The following DPP6 variants were observed in gnomAD, a reference collection of about 807,000 sequenced individuals.
DPP6 encodes dipeptidyl peptidase like 6, also known as A-type potassium channel modulatory protein DPP6.
In DPP6, 69 loss-of-function variants were observed where a neutral mutation model predicts 122.6. That is an observed-to-expected ratio of 0.56 (90% CI 0.46 to 0.69). The LOEUF is 0.69. DPP6 is among the 30% of genes least tolerant of loss of function. The probability of loss-of-function intolerance (pLI) is 0.00; values close to 1 mark genes in which losing one functional copy is unlikely to be tolerated. For missense variants in DPP6, 928 were observed against 1,116.9 expected, an observed-to-expected ratio of 0.83 and a Z score of 2.41; for synonymous variants, 418 against 433.1, an observed-to-expected ratio of 0.97 and a Z score of 0.43.
rs370476067 is a variant in DPP6 at position 154,053,173 on chromosome 7, C to A, written c.243+110C>A. The A allele has an allele frequency of 4.5e-5, 40 of 892,422 alleles. 1 individual carries two copies. The East Asian group carries it at 1.2e-3, about 26-fold the overall frequency. 55.3% of individuals were successfully genotyped at this position (892,422 alleles called of 1,614,324 possible). A position where few individuals can be genotyped will look rare whatever the true frequency, so the allele number is the denominator to read the frequency against. ...TTGGGGGGGGAATCAGGCGCCCTCC[C>A]CCCGCCCACGACTCTCCGGGCGCCC... On this transcript the variant is annotated intron_variant, in intron 1 of 25. Transcript: ENST00000377770.
intron 1 of DPP6, among the ~76,000 whole-genome samples, chr7:154,062,829 C>T (rs1208848165): frequency 8.5e-5 from 11 of 128,684 alleles, no homozygotes; most frequent in Admixed American, 1.6e-4. Context: ...GCACCCCCCG[C>T]GAGGCGGGGA....
At chr7:154,138,043 G>T (rs751814016) in intron 1 of DPP6, among the ~76,000 whole-genome samples, 1 of 152,170 alleles carries the variant, frequency 6.6e-6, no homozygotes, top group African/African-American at 2.4e-5. Flanking sequence ...ATAGACCAGT[G>T]TTCCTAAGAT....
intron 1 of DPP6, among the ~76,000 whole-genome samples, chr7:154,374,875 G>A (rs1812995322): frequency 1.3e-5 from 2 of 152,176 alleles, no homozygotes; most frequent in South Asian, 2.1e-4. Context: ...GCCTCCCAAA[G>A]TGCTGGGATT....
intron 1 of DPP6, among the ~76,000 whole-genome samples, chr7:154,203,097 T>A (rs1175109033): frequency 6.6e-6 from 1 of 152,280 alleles, no homozygotes; most frequent in East Asian, 1.9e-4. Context: ...ATTTTCCCAC[T>A]CACTTGAAAA....
At position 154,481,416 on chromosome 7, in the gene DPP6, C is replaced by T. The variant is rs913957417; in HGVS notation, c.457+6379C>T. 6.7e-6 allele frequency among the ~76,000 whole-genome samples: 1 copy of T among 150,294 alleles called. No homozygotes were observed. Among genetic ancestry groups the T allele is most frequent in the Non-Finnish European group, 1.5e-5 (1 of 67,818 alleles). On this transcript the variant is annotated intron_variant, in intron 3 of 25. Transcript: ENST00000377770. The surrounding 1 kb of genome is among the most constrained non-coding windows in gnomAD (Gnocchi z 4.2). ...GTCAGTCACTGGCTAATTTCCATGT[C>T]CACTGCAGTATCTTACATTCACCTC...
intron 1 of DPP6, among the ~76,000 whole-genome samples, chr7:154,202,639 C>G (rs2150788630): frequency 6.6e-6 from 1 of 152,312 alleles, no homozygotes; most frequent in Admixed American, 6.5e-5. Context: ...GCTATTACAT[C>G]TGCATGTCGG....
chr7:154,061,308 C>T (rs1801832463), intron 1 of DPP6, among the ~76,000 whole-genome samples: 1 of 148,374 alleles, frequency 6.7e-6, no homozygotes, highest in Admixed American at 6.7e-5. Context: ...TCTGGCAGCC[C>T]CAGCCCTGGG....
intron 2 of DPP6, among the ~76,000 whole-genome samples, chr7:154,453,982 A>C (rs1021199854): frequency 7.9e-5 from 12 of 152,248 alleles, no homozygotes; most frequent in African/African-American, 2.4e-4. Context: ...GTATCATAAA[A>C]AGTAATGCAT....
At chr7:153,791,109 G>T in the DPP6 span, among the ~76,000 whole-genome samples, 1 of 152,160 alleles carries the variant, frequency 6.6e-6, no homozygotes, top group Non-Finnish European at 1.5e-5. Context: ...AAAAGGCTCA[G>T]AAATATTTTG....
intron 5 of DPP6, among the ~76,000 whole-genome samples, chr7:154,625,737 C>G (rs959116266): frequency 2.6e-5 from 4 of 152,200 alleles, no homozygotes; most frequent in African/African-American, 9.7e-5. Flanking sequence ...GCGCACGGTA[C>G]AGACAGACCC....
chr7:154,075,289 C>T (rs2150517580), intron 1 of DPP6, among the ~76,000 whole-genome samples: 1 of 152,170 alleles, frequency 6.6e-6, no homozygotes, highest in East Asian at 1.9e-4. Flanking sequence ...TTTGATCCAG[C>T]CACCCCACTA....
chr7:154,151,101 A>C (rs993006945), intron 1 of DPP6, among the ~76,000 whole-genome samples: 6 of 152,240 alleles, frequency 3.9e-5, no homozygotes. Context: ...CCTAAAGCTC[A>C]GACGATGGCC....
At position 154,269,881 on chromosome 7, in the gene DPP6, C is replaced by T. The variant is rs1365350041; in HGVS notation, c.244-176333C>T. ...AAGAAAAACAGTAAAGTATAGCTGC[C>T]GTATACCGTACTTCTTAGGTATAAA... On this transcript the variant is annotated intron_variant, in intron 1 of 25. Coordinates refer to ENST00000377770, the MANE Select transcript of DPP6 (RefSeq NM_130797.4). Among the ~76,000 whole-genome samples, 9 of 152,058 alleles carry T rather than the reference C, an allele frequency of 5.9e-5. No homozygotes were observed. The South Asian group carries it at 8.3e-4, about 14-fold the overall frequency.
intron 1 of DPP6, among the ~76,000 whole-genome samples, chr7:154,383,515 A>G (rs1813811044): frequency 6.6e-6 from 1 of 152,266 alleles, no homozygotes; most frequent in African/African-American, 2.4e-5. Flanking sequence ...AATATAAGAA[A>G]GTAACATGCA....
chr7:154,697,907 A>G (rs1244496515), intron 7 of DPP6, among the ~76,000 whole-genome samples: 1 of 152,142 alleles, frequency 6.6e-6, no homozygotes, highest in African/African-American at 2.4e-5. Flanking sequence ...GGATGGTGGC[A>G]TATTTATTAT....
chr7:153,867,624 T>C, the DPP6 span, among the ~76,000 whole-genome samples: 2 of 152,234 alleles, frequency 1.3e-5, no homozygotes, highest in African/African-American at 4.8e-5. Flanking sequence ...CCTCTTTTCC[T>C]AATTGAATAC....
intron 1 of DPP6, among the ~76,000 whole-genome samples, chr7:154,279,448 T>C (rs1230744065): frequency 1.3e-5 from 2 of 152,182 alleles, no homozygotes; most frequent in Non-Finnish European, 2.9e-5. Flanking sequence ...ATCATGGGGA[T>C]AAAAATGTGG....
intron 1 of DPP6, among the ~76,000 whole-genome samples, chr7:154,257,423 G>A (rs1357242046): frequency 6.6e-6 from 1 of 152,072 alleles, no homozygotes; most frequent in East Asian, 1.9e-4. Context: ...GTCTGGTGCG[G>A]GTGGCTCATA....
At chr7:154,189,662 C>A (rs1346116377) in intron 1 of DPP6, among the ~76,000 whole-genome samples, 1 of 152,144 alleles carries the variant, frequency 6.6e-6, no homozygotes, top group Non-Finnish European at 1.5e-5. Flanking sequence ...TGCGTAGATT[C>A]TCATTAGCCA....
Sources: allele counts gnomAD v4.1 joint callset (sites outside exome capture counted in the v4.1 genomes callset), GRCh38; gene constraint gnomAD v4.1.1; non-coding constraint Gnocchi (gnomAD v3.1); transcripts MANE v1.5; gene names NCBI Gene and HGNC (gene_info 2026-07-23, HGNC 2026-07-21).